TSPEAR: variants seen among roughly 807,000 people sequenced by gnomAD.
TSPEAR encodes thrombospondin type laminin G domain and EAR repeats.
In TSPEAR, 69 loss-of-function variants were observed where a neutral mutation model predicts 71.6. The ratio of observed to expected loss-of-function variants is 0.96; its 90% CI spans 0.79 to 1.18. The LOEUF (loss-of-function observed/expected upper bound fraction) is 1.18, where lower values mean the gene tolerates loss of function less well. TSPEAR is among the 50% of genes most tolerant of loss of function. TSPEAR has a pLI of 0.00. For synonymous variants in TSPEAR, 402 were observed against 387.2 expected, an observed-to-expected ratio of 1.04 and a Z score of -0.45; for missense variants, 971 against 894.9, an observed-to-expected ratio of 1.09 and a Z score of -1.09.
In TSPEAR at chr21:44,508,733, C is replaced by T. The variant is rs190020204; in HGVS notation, c.1754+466G>A. 2.2e-5 allele frequency: 27 copies of T among 1,251,612 alleles called. No homozygotes were observed. The East Asian group carries it at 1.5e-3, about 71-fold the overall frequency. The allele number at this position is 1,251,612 out of a possible 1,614,324, so 77.5% of individuals were successfully genotyped here. ...CTCACATCTGTCTCAACAGGCCAGTCTCCGTGTCCTGGTGTTTGTTGTCGG... is the reference window on the plus strand; with the variant it reads ...CTCACATCTGTCTCAACAGGCCAGTTTCCGTGTCCTGGTGTTTGTTGTCGG... On this transcript the variant is annotated intron_variant, in intron 10 of 11. Transcript: ENST00000323084.
chr21:44,639,182 C>T (rs1385246171), intron 1 of TSPEAR, among the ~76,000 whole-genome samples: 2 of 152,158 alleles, frequency 1.3e-5, no homozygotes, highest in Admixed American at 6.5e-5. Context: ...ACTCTGACCC[C>T]GAGGACCCTG....
chr21:44,522,764 C>T (rs782071780), intron 8 of TSPEAR, among the ~76,000 whole-genome samples: 4 of 152,264 alleles, frequency 2.6e-5, no homozygotes, highest in Admixed American at 6.5e-5. Flanking sequence ...GCTGCCTGTC[C>T]TCAGGAAACA....
chr21:44,603,551 C>A (rs587748854), intron 1 of TSPEAR, among the ~76,000 whole-genome samples: 165 of 152,326 alleles, frequency 1.1e-3, no homozygotes, highest in African/African-American at 3.8e-3. Flanking sequence ...AACACGCCCC[C>A]CACGCCCCGG....
intron 1 of TSPEAR, among the ~76,000 whole-genome samples, chr21:44,644,009 T>C (rs1984165469): frequency 6.6e-6 from 1 of 152,260 alleles, no homozygotes; most frequent in South Asian, 2.1e-4. Context: ...GTGTGTCACT[T>C]GCAGAAGACC....
At chr21:44,660,962 G>A in intron 1 of TSPEAR, among the ~76,000 whole-genome samples, 1 of 151,674 alleles carries the variant, frequency 6.6e-6, no homozygotes, top group Non-Finnish European at 1.5e-5. Context: ...AGAAAAGAAA[G>A]AAAAGAAGAG....
At chr21:44,641,013 G>C (rs1258214052) in intron 1 of TSPEAR, among the ~76,000 whole-genome samples, 1 of 152,110 alleles carries the variant, frequency 6.6e-6, no homozygotes, top group African/African-American at 2.4e-5. Flanking sequence ...AGATGAACTG[G>C]AGCCCCCATG....
At chr21:44,558,764 T>G in intron 2 of TSPEAR, 1 of 1,558,896 alleles carries the variant, frequency 6.4e-7, no homozygotes. Flanking sequence ...TGAGTGAGTG[T>G]GGGAGTGAGT....
At chr21:44,675,872 T>G in intron 1 of TSPEAR, 1 of 699,182 alleles carries the variant, frequency 1.4e-6, no homozygotes, top group Admixed American at 2.2e-5. Flanking sequence ...TAGACCTTAC[T>G]CTGGCTGTAC....
chr21:44,528,952 G>A (rs587748493), intron 5 of TSPEAR, among the ~76,000 whole-genome samples: 68 of 152,328 alleles, frequency 4.5e-4, no homozygotes, highest in African/African-American at 1.5e-3. Context: ...GTATCTTAAC[G>A]ACGGCTTGGC....
chr21:44,503,707 G>C (rs1423987235), intron 11 of TSPEAR, among the ~76,000 whole-genome samples: 3 of 127,672 alleles, frequency 2.3e-5, no homozygotes, highest in South Asian at 2.7e-4. Flanking sequence ...AGCCGGCCTC[G>C]GTGAGCCCTC....
In TSPEAR at chr21:44,623,861, T is replaced by A. The variant is rs1982605310; in HGVS notation, c.83-55856A>T. ...TTTTAAATTTTTCTCTGTCTTTGGA[T>A]TTCAGCCCCAATATGCACAGGCATG... is the stretch of plus-strand genomic sequence containing the variant. On this transcript the variant is annotated intron_variant, in intron 1 of 11. Coordinates refer to ENST00000323084, the MANE Select transcript of TSPEAR (RefSeq NM_144991.3). This position sits in a 1 kb window ranked among gnomAD's most constrained non-coding sequence, Gnocchi z 4.5. Among the ~76,000 whole-genome samples, 1 of 152,216 alleles carries A rather than the reference T, an allele frequency of 6.6e-6. No homozygotes were observed. Among genetic ancestry groups the A allele is most frequent in the Admixed American group, 6.5e-5 (1 of 15,278 alleles).
chr21:44,627,906 G>A (rs1555934883), intron 1 of TSPEAR: 4 of 1,520,524 alleles, frequency 2.6e-6, no homozygotes, highest in African/African-American at 2.8e-5. Context: ...CCTGCTGCGT[G>A]CCCGTCTCCT....
chr21:44,550,430 G>A (rs2053389127), intron 2 of TSPEAR: 3 of 637,500 alleles, frequency 4.7e-6, no homozygotes, highest in Non-Finnish European at 2.8e-6. Flanking sequence ...AGGTCAGGAG[G>A]GCCCATCCCC....
chr21:44,565,122 T>A (rs1409039585), intron 2 of TSPEAR, among the ~76,000 whole-genome samples: 1 of 152,092 alleles, frequency 6.6e-6, no homozygotes, highest in South Asian at 2.1e-4. Context: ...CCAGAACTTA[T>A]GAGATGCAGC....
intron 2 of TSPEAR, among the ~76,000 whole-genome samples, chr21:44,565,826 A>G (rs1280597116): frequency 6.6e-6 from 1 of 152,238 alleles, no homozygotes; most frequent in Non-Finnish European, 1.5e-5. Context: ...TTCACAGATG[A>G]TATAATCTTA....
intron 1 of TSPEAR, chr21:44,654,484 A>G: frequency 2.5e-6 from 4 of 1,613,930 alleles, no homozygotes; most frequent in African/African-American, 1.3e-5. Context: ...CCGGCACAGC[A>G]GAGCCACACA....
At chr21:44,516,856 G>A (rs1478681800) in intron 9 of TSPEAR, among the ~76,000 whole-genome samples, 1 of 151,888 alleles carries the variant, frequency 6.6e-6, no homozygotes, top group African/African-American at 2.4e-5. Flanking sequence ...TCCCCTCCTG[G>A]GTATGGCCCT....
At chr21:44,528,347 T>C in intron 6 of TSPEAR, 105 bp downstream of exon 6, 1 of 1,506,344 alleles carries the variant, frequency 6.6e-7, no homozygotes, top group Non-Finnish European at 9.1e-7. Flanking sequence ...AAGCCTGAGG[T>C]CATTCAGAGG....
chr21:44,551,527 T>G, intron 2 of TSPEAR: 1 of 1,535,868 alleles, frequency 6.5e-7, no homozygotes, highest in Non-Finnish European at 8.8e-7. Context: ...AGTGTGTGAG[T>G]GAGTGTGTGT....
Sources: allele counts gnomAD v4.1 joint callset (sites outside exome capture counted in the v4.1 genomes callset), GRCh38; gene constraint gnomAD v4.1.1; non-coding constraint Gnocchi (gnomAD v3.1); transcripts MANE v1.5; gene names NCBI Gene and HGNC (gene_info 2026-07-23, HGNC 2026-07-21).